The following TFB1M variants were observed in gnomAD, a reference collection of about 807,000 sequenced individuals.
The protein encoded by TFB1M is dimethyladenosine transferase 1, mitochondrial.
TFB1M carries 27 observed loss-of-function variants against 31.1 expected under a neutral mutation model. The observed-to-expected ratio is 0.87, with a 90% CI of 0.64 to 1.20. The LOEUF is 1.20. Ranked by LOEUF, TFB1M falls within the 50% of genes most tolerant of loss-of-function variation. The pLI is 0.00. For missense variants in TFB1M, 394 were observed against 418.7 expected (o/e 0.94, Z 0.51); for synonymous variants, 166 against 151.8 (o/e 1.09, Z -0.69).
chr6:155,305,476 TTAA>T, intron 2 of TFB1M, among the ~76,000 whole-genome samples: 1 of 30,984 alleles, frequency 3.2e-5, no homozygotes, highest in South Asian at 2.2e-3. Flanking sequence ...TAAATATATA[TTAA>T]ATTATATATA....
chr6:155,304,036 G>T (rs764282982), intron 2 of TFB1M, among the ~76,000 whole-genome samples: 2 of 151,988 alleles, frequency 1.3e-5, no homozygotes, highest in Non-Finnish European at 2.9e-5. Flanking sequence ...AAACCCAAAG[G>T]TTAGGAGGCC....
chr6:155,295,100 C>T (rs1438457054), intron 4 of TFB1M, among the ~76,000 whole-genome samples: 2 of 152,248 alleles, frequency 1.3e-5, no homozygotes, highest in Non-Finnish European at 2.9e-5. Context: ...GGCGCAGTGG[C>T]TCACGCCTGT....
At chr6:155,265,461 C>T (rs919622717) in intron 5 of TFB1M, among the ~76,000 whole-genome samples, 1 of 151,418 alleles carries the variant, frequency 6.6e-6, no homozygotes, top group Non-Finnish European at 1.5e-5. Context: ...TCAGTACATT[C>T]GTATATTCAT....
intron 1 of TFB1M, among the ~76,000 whole-genome samples, chr6:155,313,668 C>G (rs927820169): frequency 6.6e-6 from 1 of 152,108 alleles, no homozygotes; most frequent in African/African-American, 2.4e-5. Flanking sequence ...TAACTTTAAA[C>G]AATTAGGTGT....
At chr6:155,251,499 C>T (rs1783651661), downstream of TFB1M, among the ~76,000 whole-genome samples, 1 of 152,096 alleles carries the variant, frequency 6.6e-6, no homozygotes, top group Non-Finnish European at 1.5e-5. Flanking sequence ...GCTGGCCAGA[C>T]TGGTCTCGAA....
chr6:155,266,385 TG>T (rs1190991159), intron 5 of TFB1M, among the ~76,000 whole-genome samples: 1 of 152,112 alleles, frequency 6.6e-6, no homozygotes, highest in East Asian at 1.9e-4. Context: ...CCTAGTTGCT[TG>T]GGAAAGTATC....
At chr6:155,254,596 G>T (rs1269138792), downstream of TFB1M, 2 of 1,604,216 alleles carry the variant, frequency 1.2e-6, no homozygotes, top group Admixed American at 3.3e-5. Flanking sequence ...CTAGCCTTGT[G>T]TTTATTCAAC....
chr6:155,241,584 T>C, the TFB1M span, among the ~76,000 whole-genome samples: 1 of 152,210 alleles, frequency 6.6e-6, no homozygotes, highest in African/African-American at 2.4e-5. Context: ...ATTACCTTGC[T>C]CTGCAAGACA....
downstream of TFB1M, chr6:155,253,916 T>TA (rs1258772190): frequency 1.4e-6 from 2 of 1,395,314 alleles, no homozygotes; most frequent in Non-Finnish European, 2.0e-6. Context: ...CAAGTGTTCT[T>TA]AACCACAGCA....
At chr6:155,254,581 T>G (rs758452944), downstream of TFB1M, 1 of 1,608,568 alleles carries the variant, frequency 6.2e-7, no homozygotes. Flanking sequence ...TAGGTGAGAA[T>G]TTTGCTAGCC....
chr6:155,286,714 T>C (rs929100564), intron 4 of TFB1M, among the ~76,000 whole-genome samples: 1 of 150,862 alleles, frequency 6.6e-6, no homozygotes, highest in Non-Finnish European at 1.5e-5. Context: ...CAGTGGCTCA[T>C]GCCTGTAATT....
chr6:155,250,042 C>T, the TFB1M span: 2 of 1,172,582 alleles, frequency 1.7e-6, no homozygotes, highest in Non-Finnish European at 2.4e-6. Flanking sequence ...TCTAGATAGG[C>T]TGCCCTGTTA....
chr6:155,275,944 C>G (rs769249949), intron 5 of TFB1M: 2 of 1,614,180 alleles, frequency 1.2e-6, no homozygotes, highest in South Asian at 1.1e-5. Context: ...CCCTCCCCAT[C>G]CACGTGCAGG....
intron 5 of TFB1M, chr6:155,275,842 A>C: frequency 6.2e-7 from 1 of 1,614,108 alleles, no homozygotes; most frequent in Non-Finnish European, 8.5e-7. Flanking sequence ...CCAACATCAT[A>C]ACAGCCATTG....
At chr6:155,299,339 T>C (rs1777326705) in intron 2 of TFB1M, among the ~76,000 whole-genome samples, 3 of 152,194 alleles carry the variant, frequency 2.0e-5, no homozygotes, top group Admixed American at 2.0e-4. Context: ...CCACCTACTC[T>C]ACCACCACAC....
rs1427833880 is a variant in TFB1M, at chr6:155,305,305, TAA to T, written c.285+5881_285+5882del. 5.5e-5 allele frequency among the ~76,000 whole-genome samples: 2 copies of T among 36,512 alleles called. 1 individual carries two copies. The highest frequency in any genetic ancestry group is 8.6e-5 in the Non-Finnish European group (2 of 23,150). 24.0% of individuals were successfully genotyped at this position (36,512 alleles called of 152,430 possible). ...ATATTAAATTATATATTTATATATA[TAA>T]ACATATATTAAATTATATATTTATA... On this transcript the variant is annotated intron_variant, in intron 2 of 6. Transcript: ENST00000367166.
intron 5 of TFB1M, among the ~76,000 whole-genome samples, chr6:155,281,321 A>G (rs573496235): frequency 9.2e-5 from 14 of 152,370 alleles, no homozygotes; most frequent in Non-Finnish European, 8.8e-5. Flanking sequence ...CAGCAGGTCT[A>G]GCTTACTTGG....
At chr6:155,314,272 G>C (rs1562433688) in intron 1 of TFB1M, 24 bp downstream of exon 1, 3 of 1,612,520 alleles carry the variant, frequency 1.9e-6, no homozygotes, top group Non-Finnish European at 1.7e-6. Flanking sequence ...GGAGACATCC[G>C]GGGAGCACTG....
At chr6:155,229,876 G>T in the TFB1M span, among the ~76,000 whole-genome samples, 2 of 152,156 alleles carry the variant, frequency 1.3e-5, no homozygotes, top group African/African-American at 4.8e-5. Flanking sequence ...GAGAGCGTGT[G>T]CAGGGGAACT....
Sources: gnomAD v4.1 joint callset for allele counts (sites outside exome capture counted in the v4.1 genomes callset) on GRCh38, gnomAD v4.1.1 for gene constraint, MANE v1.5 for transcripts, NCBI Gene and HGNC (gene_info 2026-07-23, HGNC 2026-07-21) for gene names.